The following HLA-DQB2 variants were observed in gnomAD, a reference collection of about 807,000 sequenced individuals.
HLA-DQB2 encodes HLA class II histocompatibility antigen, DQ beta 2 chain.
HLA-DQB2 carries 24 observed loss-of-function variants against 29.2 expected under a neutral mutation model. The observed-to-expected ratio is 0.82, with a 90% CI of 0.60 to 1.16. The LOEUF is 1.16. HLA-DQB2 is among the 50% of genes most tolerant of loss of function. The probability of loss-of-function intolerance (pLI) is 0.00; values close to 1 mark genes in which losing one functional copy is unlikely to be tolerated. For missense variants in HLA-DQB2, 273 were observed against 343.6 expected (o/e 0.79, Z 1.62); for synonymous variants, 104 against 133.1 (o/e 0.78, Z 1.51).
chr6:32,757,441 T>C (rs1764354391), intron 4 of HLA-DQB2, 137 bp from the exon 5 acceptor site: 1 of 713,094 alleles, frequency 1.4e-6, no homozygotes, highest in Admixed American at 2.5e-5. Flanking sequence ...TTAAGCACCC[T>C]AAGTTAAAAT....
chr6:32,756,494 G>T (rs1562213430), intron 5 of HLA-DQB2, 28 bp from the exon 6 acceptor site: 1 of 1,567,754 alleles, frequency 6.4e-7, no homozygotes, highest in Non-Finnish European at 8.7e-7. Flanking sequence ...GGCATGATCA[G>T]CACAGGGTAC....
intron 2 of HLA-DQB2, 130 bp from the exon 3 acceptor site, chr6:32,759,261 G>T (rs780211868): frequency 3.2e-6 from 3 of 952,036 alleles, no homozygotes; most frequent in Non-Finnish European, 4.4e-6. Flanking sequence ...TTGGATTAAG[G>T]TTCCTTCAAC....
At position 32,763,474 on chromosome 6, in the gene HLA-DQB2, C is replaced by T. The variant is rs1339146882; in HGVS notation, c.-4G>A. On this transcript the variant is annotated 5_prime_UTR_variant, in exon 1 of 6. Coordinates refer to ENST00000437316, the MANE Select transcript of HLA-DQB2 (RefSeq NM_001300790.2). ...CTCCAGGGATCTGCAGAGCCATCTT[C>T]CAAGACGTAAGTGAGACCAAGGAAA... The T allele has an allele frequency of 1.9e-6, 3 of 1,551,088 alleles. No homozygotes were observed. Among genetic ancestry groups the T allele is most frequent in the Non-Finnish European group, 2.6e-6 (3 of 1,145,598 alleles).
chr6:32,762,098 T>G (rs894086124), intron 1 of HLA-DQB2, among the ~76,000 whole-genome samples, 172 bp from the exon 2 acceptor site: 1 of 151,960 alleles, frequency 6.6e-6, no homozygotes. Flanking sequence ...CCTGGGATCC[T>G]CGAGGCATCT....
intron 4 of HLA-DQB2, among the ~76,000 whole-genome samples, 193 bp from the exon 5 acceptor site, chr6:32,757,497 G>C (rs940211363): frequency 7.2e-5 from 11 of 152,178 alleles, no homozygotes; most frequent in Admixed American, 7.2e-4. Context: ...GGAGGCCGAG[G>C]CTCTGACCCT....
chr6:32,763,316 C>T (rs1765011847), intron 1 of HLA-DQB2, 58 bp downstream of exon 1: 2 of 987,110 alleles, frequency 2.0e-6, no homozygotes, highest in Non-Finnish European at 3.2e-6. Flanking sequence ...CATACTCCAA[C>T]CCAAGGAGAG....
At position 32,756,396 on chromosome 6, in the gene HLA-DQB2, G is replaced by A; in HGVS notation, c.*57C>T. On this transcript the variant is annotated 3_prime_UTR_variant, in exon 6 of 6. Coordinates refer to ENST00000437316, the MANE Select transcript of HLA-DQB2 (RefSeq NM_001300790.2). ...ACAGGCAGCTAGGAATTCTGGGCAG[G>A]GGCAGGTGGGCATTACAGAAGAGTG... 2 of 1,052,416 alleles carry A rather than the reference G, an allele frequency of 1.9e-6. No homozygotes were observed. The highest frequency in any genetic ancestry group is 2.7e-5 in the South Asian group (2 of 75,150). The allele number at this position is 1,052,416 out of a possible 1,614,324, so 65.2% of individuals were successfully genotyped here. A position where few individuals can be genotyped will look rare whatever the true frequency, so the allele number is the denominator to read the frequency against.
chr6:32,759,126 G>A lies in HLA-DQB2; in HGVS notation c.370C>T (p.Pro124Ser). 1.2e-6 allele frequency: 2 copies of A among 1,613,370 alleles called. No homozygotes were observed. Among genetic ancestry groups the A allele is most frequent in the African/African-American group, 1.3e-5 (1 of 75,076 alleles). ...CTGGATGGGGAGATGGTCACTGTGG[G>A]CTCCACTGAGGGCAGTAACAGACAG... ...LRTTLQRQVE[P>S]TVTISPSRTE... is the part of the protein sequence containing the mutation. The change falls in exon 3 of 6, where the codon CCC (proline) becomes TCC (serine). Residue 124 changes from proline to serine, a missense_variant. Transcript: ENST00000437316.
intron 4 of HLA-DQB2, 137 bp from the exon 5 acceptor site, chr6:32,757,441 T>G: frequency 1.4e-6 from 1 of 713,094 alleles, no homozygotes; most frequent in Non-Finnish European, 2.4e-6. Context: ...TTAAGCACCC[T>G]AAGTTAAAAT....
chr6:32,757,368 G>A (rs1056287115), intron 4 of HLA-DQB2, 64 bp from the exon 5 acceptor site: 43 of 1,197,140 alleles, frequency 3.6e-5, no homozygotes, highest in Non-Finnish European at 5.1e-5. Flanking sequence ...TTACCCCAAA[G>A]GAAAATGACA....
Position 32,761,660 on chromosome 6 carries a change from C to T in HLA-DQB2, c.364G>A (p.Val122Met), listed in dbSNP as rs1047809341. ...AELRTTLQRQ[V>M]EPTVTISPSR... ...CCCGCGGAAGGACGACGACGCTCAC[C>T]TTGCCGCTGCAAGGTCGTGCGCAGC... Residue 122 changes from valine to methionine, a missense_variant and splice_region_variant, in exon 2 of 6, where the codon GTG (valine) becomes ATG (methionine). Coordinates refer to ENST00000437316, the MANE Select transcript of HLA-DQB2 (RefSeq NM_001300790.2). The T allele has an allele frequency of 1.9e-6, 3 of 1,546,858 alleles. No individual in the cohort carries two copies. Among genetic ancestry groups the T allele is most frequent in the African/African-American group, 1.4e-5 (1 of 73,024 alleles).
chr6:32,756,911 T>C lies in HLA-DQB2; in HGVS notation c.781+370A>G, dbSNP rs1039367425. 58 of 1,178,606 alleles carry C rather than the reference T, an allele frequency of 4.9e-5. No homozygotes were observed. The Admixed American group carries it at 7.0e-4, about 14-fold the overall frequency. The allele number at this position is 1,178,606 out of a possible 1,614,324, so 73.0% of individuals were successfully genotyped here. On this transcript the variant is annotated intron_variant, in intron 5 of 5. Coordinates refer to ENST00000437316, the MANE Select transcript of HLA-DQB2 (RefSeq NM_001300790.2). The stretch of plus-strand genomic sequence containing the variant: ...GTTAAGGCCTGGTTCTAGGAAACAA[T>C]CTCTGGAGATTCGTAGAAACTGGCA...
chr6:32,759,811 T>C (rs1764620038), intron 2 of HLA-DQB2, among the ~76,000 whole-genome samples: 1 of 152,220 alleles, frequency 6.6e-6, no homozygotes, highest in Non-Finnish European at 1.5e-5. Flanking sequence ...CATGCAGAGG[T>C]TGGCCTGGGT....
chr6:32,758,860 G>C lies in HLA-DQB2; in HGVS notation c.636C>G (p.Thr212=), dbSNP rs750074923. Reference sequence around the variant, plus strand: ...CCAGTTTCCCCTTACGCCACTCCACGGTGATGGGGCTCTGGAGGCTGGGGT... The same window carrying C: ...CCAGTTTCCCCTTACGCCACTCCACCGTGATGGGGCTCTGGAGGCTGGGGT... The part of the protein sequence containing the change: ...VEHPSLQSPI[T]VEWRAQSESA... Residue 212 remains threonine (T), a synonymous_variant, in exon 3 of 6, where the codon ACC becomes ACG. Coordinates refer to ENST00000437316, the MANE Select transcript of HLA-DQB2 (RefSeq NM_001300790.2). 1 of 1,613,264 alleles carries C rather than the reference G, an allele frequency of 6.2e-7. No homozygotes were observed. Among genetic ancestry groups the C allele is most frequent in the Non-Finnish European group, 8.5e-7 (1 of 1,179,510 alleles).
At chr6:32,762,232 T>C (rs1242171988) in intron 1 of HLA-DQB2, among the ~76,000 whole-genome samples, 1 of 152,124 alleles carries the variant, frequency 6.6e-6, no homozygotes, top group African/African-American at 2.4e-5. Flanking sequence ...GTCGGACCGA[T>C]TCAACATTGA....
At chr6:32,758,755 A>T in intron 3 of HLA-DQB2, 95 bp downstream of exon 3, 1 of 1,415,742 alleles carries the variant, frequency 7.1e-7, no homozygotes, top group Non-Finnish European at 9.6e-7. Flanking sequence ...CTCAGTAGTG[A>T]TGTCAGGGAC....
intron 1 of HLA-DQB2, 129 bp downstream of exon 1, chr6:32,763,245 C>A: frequency 1.6e-6 from 1 of 624,144 alleles, no homozygotes; most frequent in Non-Finnish European, 2.9e-6. Context: ...AGCTCTATTT[C>A]CCAAAAAGAA....
chr6:32,757,115 G>A (rs963756248), intron 5 of HLA-DQB2, 166 bp downstream of exon 5: 3 of 1,447,654 alleles, frequency 2.1e-6, no homozygotes, highest in Non-Finnish European at 2.8e-6. Context: ...TGCCTCCTGG[G>A]TTCAAGTGAT....
chr6:32,756,343 G>T lies in HLA-DQB2; in HGVS notation c.*110C>A. On this transcript the variant is annotated 3_prime_UTR_variant, in exon 6 of 6. Coordinates refer to ENST00000437316, the MANE Select transcript of HLA-DQB2 (RefSeq NM_001300790.2). ...CCTGTGGCTGCATGAGCCACTGTAG[G>T]ACTCTGACCTCAGTGGGACAGGGTG... 3 of 742,722 alleles carry T rather than the reference G, an allele frequency of 4.0e-6. No homozygotes were observed. Among genetic ancestry groups the T allele is most frequent in the South Asian group, 3.1e-5 (2 of 64,574 alleles). 46.0% of individuals were successfully genotyped at this position (742,722 alleles called of 1,614,324 possible). A position where few individuals can be genotyped will look rare whatever the true frequency, so the allele number is the denominator to read the frequency against.
Sources: allele counts gnomAD v4.1 joint callset (sites outside exome capture counted in the v4.1 genomes callset), GRCh38; gene constraint gnomAD v4.1.1; transcripts MANE v1.5; gene names NCBI Gene and HGNC (gene_info 2026-07-23, HGNC 2026-07-21).